Variants in DDA1 observed in about 807,000 individuals in gnomAD.
DDA1 encodes the protein DET1- and DDB1-associated protein 1.
In DDA1, 3 loss-of-function variants were observed where a neutral mutation model predicts 18.6. That is an observed-to-expected ratio of 0.16 (90% CI 0.07 to 0.42). DDA1 has a LOEUF of 0.42. DDA1 is among the 10% of genes least tolerant of loss of function. DDA1 has a pLI of 0.99. For synonymous variants in DDA1, 52 were observed against 54.0 expected (o/e 0.96, Z 0.17); for missense variants, 105 against 138.2 (o/e 0.76, Z 1.20).
At chr19:17,316,249 T>C (rs778645535) in intron 4 of DDA1, among the ~76,000 whole-genome samples, 7 of 152,200 alleles carry the variant, frequency 4.6e-5, no homozygotes, top group Non-Finnish European at 8.8e-5. Context: ...TTTCCATGGC[T>C]CTGGCATTAG....
rs577568120 is a variant in DDA1, at chr19:17,314,233, T to C, written c.85-105T>C. 63 of 1,561,872 alleles carry C rather than the reference T, an allele frequency of 4.0e-5. No individual in the cohort carries two copies. In the African/African-American group the frequency reaches 8.1e-4, roughly 20 times the overall value. ...TCAAGCCCAGCCCCATCCACATACT[T>C]GAGTGTCTTCCAATCTGCACTGAAG... On this transcript the variant is annotated intron_variant, in intron 2 of 4. Transcript: ENST00000359866. This position sits in a 1 kb window ranked among gnomAD's most constrained non-coding sequence, Gnocchi z 4.6.
In DDA1 at chr19:17,315,212, TATAC is replaced by T. The variant is rs1402249373; in HGVS notation, c.137-720_137-717del. Reference sequence around the variant, plus strand: ...ACACACACGTGTATACACACGTGTATATACACACACGTGTATACACACACACGTG... The same window carrying T: ...ACACACACGTGTATACACACGTGTATACACACGTGTATACACACACACGTG... On this transcript the variant is annotated intron_variant, in intron 3 of 4. Coordinates refer to ENST00000359866, the MANE Select transcript of DDA1 (RefSeq NM_024050.6). Among the ~76,000 whole-genome samples, 18 of 40,956 alleles carry T rather than the reference TATAC, an allele frequency of 4.4e-4. 6 individuals carry two copies. The highest frequency in any genetic ancestry group is 9.0e-4 in the Non-Finnish European group (17 of 18,828). The allele number at this position is 40,956 out of a possible 152,430, so 26.9% of individuals were successfully genotyped here. A position where few individuals can be genotyped will look rare whatever the true frequency, so the allele number is the denominator to read the frequency against.
chr19:17,311,926 G>A lies in DDA1; in HGVS notation c.4-2097G>A, dbSNP rs117891199. ...CCCCCACCCCCTGCCCCCATGTCTC[G>A]AGGCCTTGTTTTCCAGCTTAGCATG... On this transcript the variant is annotated intron_variant, in intron 1 of 4. Coordinates refer to ENST00000359866, the MANE Select transcript of DDA1 (RefSeq NM_024050.6). Among the ~76,000 whole-genome samples the A allele has an allele frequency of 7.4e-3, 1,126 of 151,972 alleles. 10 individuals carry two copies. Among genetic ancestry groups the A allele is most frequent in the Non-Finnish European group, 0.013 (886 of 67,980 alleles).
At chr19:17,316,542 T>C (rs2074213919) in intron 4 of DDA1, among the ~76,000 whole-genome samples, 2 of 151,236 alleles carry the variant, frequency 1.3e-5, no homozygotes. Flanking sequence ...ATTGCACCAC[T>C]GCACTCCAGC....
chr19:17,319,298 T>C (rs1392439196), intron 4 of DDA1, among the ~76,000 whole-genome samples: 1 of 152,226 alleles, frequency 6.6e-6, no homozygotes, highest in Non-Finnish European at 1.5e-5. Context: ...ACCTCTGTGA[T>C]GCTGCTGCAG....
At chr19:17,311,905 C>T (rs1044980389) in intron 1 of DDA1, among the ~76,000 whole-genome samples, 12 of 152,152 alleles carry the variant, frequency 7.9e-5, no homozygotes, top group Non-Finnish European at 1.2e-4. Flanking sequence ...AGGCCTCCCC[C>T]ACCCCCTGCC....
At chr19:17,315,335 G>A (rs1417660098) in intron 3 of DDA1, among the ~76,000 whole-genome samples, 4 of 40,364 alleles carry the variant, frequency 9.9e-5, no homozygotes, top group Admixed American at 3.9e-4. Context: ...ATATACACAC[G>A]TATATATATA....
chr19:17,313,110 C>A (rs1453076157), intron 1 of DDA1, among the ~76,000 whole-genome samples: 1 of 152,218 alleles, frequency 6.6e-6, no homozygotes, highest in Non-Finnish European at 1.5e-5. Context: ...GGATGGCCTT[C>A]CCTTCCAGCT....
Position 17,309,766 on chromosome 19 carries a change from C to T in DDA1, c.3+109C>T, listed in dbSNP as rs971001878. The T allele has an allele frequency of 2.6e-5, 37 of 1,409,020 alleles. 1 individual carries two copies. In the Middle Eastern group the frequency reaches 7.4e-4, roughly 28 times the overall value. 87.3% of individuals were successfully genotyped at this position (1,409,020 alleles called of 1,614,324 possible). A position where few individuals can be genotyped will look rare whatever the true frequency, so the allele number is the denominator to read the frequency against. ...GCCCCTCTCCGTTCTGCCCGGTCCC[C>T]TCAGGTCCGGCCCGCCCCTCCCACT... On this transcript the variant is annotated intron_variant, in intron 1 of 4. Coordinates refer to ENST00000359866, the MANE Select transcript of DDA1 (RefSeq NM_024050.6).
chr19:17,311,260 G>A (rs542362651), intron 1 of DDA1, among the ~76,000 whole-genome samples: 75 of 151,900 alleles, frequency 4.9e-4, no homozygotes, highest in African/African-American at 1.7e-3. Flanking sequence ...CCGCCTCCTG[G>A]GTTCAAGCCA....
At chr19:17,312,184 G>C (rs1378970695) in intron 1 of DDA1, among the ~76,000 whole-genome samples, 1 of 152,154 alleles carries the variant, frequency 6.6e-6, no homozygotes, top group Admixed American at 6.5e-5. Context: ...CCAGGATTGA[G>C]AGCAGAATGC....
chr19:17,314,295 C>T lies in DDA1; in HGVS notation c.85-43C>T. ...AGTGGAGGGATGAGGAGACCCCAGG[C>T]CCATGCACTCTCCTAACCCACCCCT... On this transcript the variant is annotated intron_variant, in intron 2 of 4. Coordinates refer to ENST00000359866, the MANE Select transcript of DDA1 (RefSeq NM_024050.6). This position sits in a 1 kb window ranked among gnomAD's most constrained non-coding sequence, Gnocchi z 4.6. 1 of 1,612,006 alleles carries T rather than the reference C, an allele frequency of 6.2e-7. No homozygotes were observed. Among genetic ancestry groups the T allele is most frequent in the South Asian group, 1.1e-5 (1 of 91,020 alleles).
rs1306583063 is a variant in DDA1 at position 17,314,236 on chromosome 19, G to A, written c.85-102G>A. 5.1e-6 allele frequency: 8 copies of A among 1,563,828 alleles called. No homozygotes were observed. The highest frequency in any genetic ancestry group is 6.2e-6 in the Non-Finnish European group (7 of 1,136,310). On this transcript the variant is annotated intron_variant, in intron 2 of 4. Coordinates refer to ENST00000359866, the MANE Select transcript of DDA1 (RefSeq NM_024050.6). The surrounding 1 kb of genome is among the most constrained non-coding windows in gnomAD (Gnocchi z 4.6). ...AGCCCAGCCCCATCCACATACTTGAGTGTCTTCCAATCTGCACTGAAGGGT... is the reference window on the plus strand; with the variant it reads ...AGCCCAGCCCCATCCACATACTTGAATGTCTTCCAATCTGCACTGAAGGGT...
In DDA1 at chr19:17,309,643, A is replaced by G. The variant is rs758612261; in HGVS notation, c.-12A>G. 4.0e-5 allele frequency: 64 copies of G among 1,612,838 alleles called. No individual in the cohort carries two copies. The East Asian group carries it at 1.4e-3, about 36-fold the overall frequency. Reference sequence around the variant, plus strand: ...GAGGCGGCGGCCGAGGCGGCGACGGAGGAAACAGAAGATGGTGAGGATGGC... The same window carrying G: ...GAGGCGGCGGCCGAGGCGGCGACGGGGGAAACAGAAGATGGTGAGGATGGC... On this transcript the variant is annotated 5_prime_UTR_variant, in exon 1 of 5. Transcript: ENST00000359866.
Position 17,321,644 on chromosome 19 carries a change from A to G in DDA1, c.*1988A>G, listed in dbSNP as rs112571788. On this transcript the variant is annotated 3_prime_UTR_variant, in exon 5 of 5. Coordinates refer to ENST00000359866, the MANE Select transcript of DDA1 (RefSeq NM_024050.6). ...ACAGAGCTAGCAGACACTCCGGGCT[A>G]TGGAGGGTCCGCCTGCCCCAGATTC... 5.2e-5 allele frequency: 8 copies of G among 152,432 alleles called. No homozygotes were observed. Among genetic ancestry groups the G allele is most frequent in the African/African-American group, 1.4e-4 (6 of 41,582 alleles). 9.4% of individuals were successfully genotyped at this position (152,432 alleles called of 1,614,324 possible).
Position 17,314,192 on chromosome 19 carries a change from G to A in DDA1, c.84+89G>A. 6.4e-7 allele frequency: 1 copy of A among 1,567,580 alleles called. No homozygotes were observed. Among genetic ancestry groups the A allele is most frequent in the Non-Finnish European group, 8.8e-7 (1 of 1,139,816 alleles). On this transcript the variant is annotated intron_variant, in intron 2 of 4. Transcript: ENST00000359866. This position sits in a 1 kb window ranked among gnomAD's most constrained non-coding sequence, Gnocchi z 4.6. ...TGTCCCCCGATTGGGGTCTTGGCTG[G>A]AACAGAGGCTGATCTTCAAGCCCAG... is the stretch of plus-strand genomic sequence containing the variant.
chr19:17,318,018 T>TTTTTTTCCCCC (rs1294669324), intron 4 of DDA1, among the ~76,000 whole-genome samples: 2 of 151,930 alleles, frequency 1.3e-5, no homozygotes, highest in Non-Finnish European at 2.9e-5. Context: ...TCTTTTCCCC[T>TTTTTTTCCCCC]TTTTTTCCCC....
chr19:17,315,121 G>A (rs1452649877), intron 3 of DDA1, among the ~76,000 whole-genome samples: 1 of 82,376 alleles, frequency 1.2e-5, no homozygotes, highest in Non-Finnish European at 2.4e-5. Context: ...ATACACACAC[G>A]TATATATACA....
At chr19:17,313,433 C>CTTTT (rs57148595) in intron 1 of DDA1, among the ~76,000 whole-genome samples, 12 of 82,560 alleles carry the variant, frequency 1.5e-4, no homozygotes, top group Non-Finnish European at 2.0e-4. Flanking sequence ...TTGAAAATGG[C>CTTTT]TTTTTTTTTT....
Sources: allele counts gnomAD v4.1 joint callset (sites outside exome capture counted in the v4.1 genomes callset), GRCh38; gene constraint gnomAD v4.1.1; non-coding constraint Gnocchi (gnomAD v3.1); transcripts MANE v1.5; gene names NCBI Gene and HGNC (gene_info 2026-07-23, HGNC 2026-07-21).